The following BMPR1B variants were observed in gnomAD, a reference collection of about 807,000 sequenced individuals.
The protein encoded by BMPR1B is bone morphogenetic protein receptor type-1B.
In BMPR1B, 12 loss-of-function variants were observed where a neutral mutation model predicts 59.1. That is an observed-to-expected ratio of 0.20 (90% CI 0.13 to 0.33). The LOEUF (loss-of-function observed/expected upper bound fraction) is 0.33, where lower values mean the gene tolerates loss of function less well. BMPR1B is among the 10% of genes least tolerant of loss of function. The pLI, the probability that BMPR1B is intolerant of heterozygous loss-of-function variation, is 1.00. For missense variants in BMPR1B, 550 were observed against 610.9 expected, an observed-to-expected ratio of 0.90 and a Z score of 1.05; for synonymous variants, 237 against 207.3, an observed-to-expected ratio of 1.14 and a Z score of -1.23.
intron 1 of BMPR1B, among the ~76,000 whole-genome samples, chr4:94,766,794 C>T (rs1721987406): frequency 6.6e-6 from 1 of 151,782 alleles, no homozygotes; most frequent in South Asian, 2.1e-4. Context: ...TTCTTTTTCA[C>T]TTGACTTTAT....
chr4:95,102,741 T>C (rs901427512), intron 3 of BMPR1B, among the ~76,000 whole-genome samples: 6 of 152,124 alleles, frequency 3.9e-5, no homozygotes, highest in African/African-American at 1.4e-4. Flanking sequence ...TAACCTCACT[T>C]TATTTGGGAA....
At chr4:94,985,062 C>A (rs1411946931) in intron 2 of BMPR1B, among the ~76,000 whole-genome samples, 2 of 151,956 alleles carry the variant, frequency 1.3e-5, no homozygotes, top group Admixed American at 6.6e-5. Context: ...TGGCATGGTA[C>A]GTTAAGAGAG....
intron 1 of BMPR1B, among the ~76,000 whole-genome samples, chr4:94,797,286 G>T (rs1361340245): frequency 3.3e-5 from 5 of 152,186 alleles, no homozygotes; most frequent in Non-Finnish European, 7.3e-5. Context: ...CTGGGAGATA[G>T]AATTCAATTT....
intron 1 of BMPR1B, among the ~76,000 whole-genome samples, chr4:94,817,045 T>C (rs1724037252): frequency 6.6e-6 from 1 of 152,152 alleles, no homozygotes; most frequent in South Asian, 2.1e-4. Context: ...ATTCACTTTG[T>C]TCTGATATTC....
intron 3 of BMPR1B, among the ~76,000 whole-genome samples, chr4:95,035,739 C>T (rs1331191740): frequency 6.6e-6 from 1 of 152,110 alleles, no homozygotes; most frequent in Non-Finnish European, 1.5e-5. Flanking sequence ...GTTCTTTTTT[C>T]TTAGCCTTGC....
At chr4:94,863,167 A>C (rs1384109022) in intron 1 of BMPR1B, among the ~76,000 whole-genome samples, 4 of 152,138 alleles carry the variant, frequency 2.6e-5, no homozygotes, top group African/African-American at 7.2e-5. Flanking sequence ...GGAAGGGAAC[A>C]AGAGACACCG....
At chr4:94,881,758 C>A (rs1205427603) in intron 2 of BMPR1B, among the ~76,000 whole-genome samples, 1 of 152,204 alleles carries the variant, frequency 6.6e-6, no homozygotes, top group Non-Finnish European at 1.5e-5. Context: ...AGCCACTGCA[C>A]CTGGCCTAAT....
chr4:94,769,333 G>A (rs1263064313), intron 1 of BMPR1B, among the ~76,000 whole-genome samples: 2 of 152,180 alleles, frequency 1.3e-5, no homozygotes, highest in Non-Finnish European at 2.9e-5. Flanking sequence ...AGTTGAGGCC[G>A]GGCGCGGTGG....
chr4:94,854,122 C>CTCTG (rs1725667035), intron 1 of BMPR1B, among the ~76,000 whole-genome samples: 1 of 42,518 alleles, frequency 2.4e-5, no homozygotes, highest in South Asian at 1.1e-3. Context: ...TACTGTGAAG[C>CTCTG]TCTCTATTCC....
At chr4:94,841,272 G>T (rs1053825108) in intron 1 of BMPR1B, among the ~76,000 whole-genome samples, 1 of 144,636 alleles carries the variant, frequency 6.9e-6, no homozygotes, top group Non-Finnish European at 1.5e-5. Context: ...AGGCCTCCTT[G>T]AGCTGTGTGG....
intron 1 of BMPR1B, among the ~76,000 whole-genome samples, chr4:94,811,607 T>TA (rs980344991): frequency 1.3e-5 from 2 of 152,140 alleles, no homozygotes; most frequent in African/African-American, 4.8e-5. Flanking sequence ...GATGGCCCTT[T>TA]AAAAAATCAG....
chr4:94,819,143 ATT>A (rs71583667), intron 1 of BMPR1B, among the ~76,000 whole-genome samples: 4 of 148,372 alleles, frequency 2.7e-5, no homozygotes, highest in African/African-American at 9.8e-5. Context: ...CTCAAATAAA[ATT>A]TTTTTTTTTT....
At chr4:94,844,223 T>TTGTGTGTGTGTGTGTGTGTG (rs150471976) in intron 1 of BMPR1B, among the ~76,000 whole-genome samples, 1 of 146,554 alleles carries the variant, frequency 6.8e-6, no homozygotes, top group Non-Finnish European at 1.5e-5. Flanking sequence ...TGAATCATCT[T>TTGTGTGTGTGTGTGTGTGTG]TGTGTGTGTG....
rs547192599 is a variant in BMPR1B, at chr4:95,145,332, T to A, written c.1077-3416T>A. Among the ~76,000 whole-genome samples, 210 of 152,316 alleles carry A rather than the reference T, an allele frequency of 1.4e-3. 1 individual carries two copies. In the East Asian group the frequency reaches 0.034, roughly 24 times the overall value. ...TTATTGTCTCTGAGTCTACAGCCCT[T>A]GTGCAGTATCTATCTTTTCTTGTCA... On this transcript the variant is annotated intron_variant, in intron 10 of 12. Transcript: ENST00000515059.
chr4:94,855,789 T>A (rs1038786993), intron 1 of BMPR1B, among the ~76,000 whole-genome samples: 2 of 96,166 alleles, frequency 2.1e-5, no homozygotes, highest in African/African-American at 1.1e-4. Context: ...TAAAGTTATT[T>A]GAGTTAATCA....
At chr4:94,969,107 T>G (rs1730673705) in intron 2 of BMPR1B, among the ~76,000 whole-genome samples, 1 of 151,992 alleles carries the variant, frequency 6.6e-6, no homozygotes, top group Non-Finnish European at 1.5e-5. Flanking sequence ...TGATCTCAGC[T>G]CACTGCAACC....
intron 3 of BMPR1B, among the ~76,000 whole-genome samples, chr4:95,098,344 T>C (rs1161653992): frequency 6.6e-6 from 1 of 152,222 alleles, no homozygotes; most frequent in African/African-American, 2.4e-5. Flanking sequence ...TGATATGTTC[T>C]GTCTTGTTTA....
intron 2 of BMPR1B, among the ~76,000 whole-genome samples, chr4:94,940,063 G>C (rs1361237281): frequency 6.6e-6 from 1 of 152,142 alleles, no homozygotes; most frequent in Non-Finnish European, 1.5e-5. Context: ...ATGCATTTGG[G>C]AGGTATTATT....
intron 2 of BMPR1B, among the ~76,000 whole-genome samples, chr4:94,937,089 C>T (rs1481176752): frequency 6.6e-6 from 1 of 152,078 alleles, no homozygotes; most frequent in Non-Finnish European, 1.5e-5. Flanking sequence ...TTGTCACCAC[C>T]CTTTCTATAC....
Sources: gnomAD v4.1 joint callset for allele counts (sites outside exome capture counted in the v4.1 genomes callset) on GRCh38, gnomAD v4.1.1 for gene constraint, MANE v1.5 for transcripts, NCBI Gene and HGNC (gene_info 2026-07-23, HGNC 2026-07-21) for gene names.